The following PSTPIP2 variants were observed in gnomAD, a reference collection of about 807,000 sequenced individuals.
PSTPIP2 encodes proline-serine-threonine phosphatase interacting protein 2.
Under a neutral mutation model 63.3 loss-of-function variants are expected in PSTPIP2, and 33 were observed. That is an observed-to-expected ratio of 0.52 (90% CI 0.40 to 0.70). PSTPIP2 has a LOEUF of 0.70. Ranked by LOEUF, PSTPIP2 falls within the 30% of genes least tolerant of loss-of-function variation. PSTPIP2 has a pLI of 0.00. For synonymous variants in PSTPIP2, 125 were observed against 132.7 expected, an observed-to-expected ratio of 0.94 and a Z score of 0.40; for missense variants, 312 against 400.7, an observed-to-expected ratio of 0.78 and a Z score of 1.89.
chr18:46,041,097 C>T (rs752463236), intron 1 of PSTPIP2: 2 of 455,870 alleles, frequency 4.4e-6, no homozygotes, highest in Non-Finnish European at 8.8e-6. Flanking sequence ...AAGGGTATCT[C>T]TACAAAAGAC....
chr18:46,017,865 C>T (rs1222941200), intron 3 of PSTPIP2, among the ~76,000 whole-genome samples: 1 of 151,978 alleles, frequency 6.6e-6, no homozygotes, highest in African/African-American at 2.4e-5. Context: ...GAACTTATTC[C>T]TCCTAACCGA....
Position 46,050,725 on chromosome 18 carries a change from G to A in PSTPIP2, c.34-10678C>T, listed in dbSNP as rs139417594. 1.9e-3 allele frequency among the ~76,000 whole-genome samples: 293 copies of A among 152,124 alleles called. 2 individuals are homozygous for A. The highest frequency in any genetic ancestry group is 0.012 in the Admixed American group (182 of 15,278). On this transcript the variant is annotated intron_variant, in intron 1 of 14. Transcript: ENST00000409746. ...AACATAATGATACAATATATCAGGA[G>A]AAAAATGAAAGTTATATATATGAGC...
intron 13 of PSTPIP2, among the ~76,000 whole-genome samples, chr18:45,989,468 A>G (rs1319803431): frequency 6.6e-6 from 1 of 152,204 alleles, no homozygotes; most frequent in Non-Finnish European, 1.5e-5. Context: ...GCCATGTGGA[A>G]CTGTAAGTCC....
intron 1 of PSTPIP2, among the ~76,000 whole-genome samples, chr18:46,065,197 C>T (rs1228673061): frequency 6.8e-6 from 1 of 146,068 alleles, no homozygotes; most frequent in African/African-American, 2.5e-5. Context: ...CTAGAAATTA[C>T]ATAAATGCCA....
At chr18:45,985,926 G>A (rs2051462493) in intron 14 of PSTPIP2, among the ~76,000 whole-genome samples, 7 of 151,910 alleles carry the variant, frequency 4.6e-5, no homozygotes, top group Admixed American at 2.0e-4. Flanking sequence ...ACAGGCACCC[G>A]CCACTGTGCC....
intron 2 of PSTPIP2, chr18:46,028,419 G>A: frequency 1.9e-6 from 1 of 539,846 alleles, no homozygotes; most frequent in Non-Finnish European, 3.6e-6. Flanking sequence ...AGGAGAGACG[G>A]CTCCGGCAGC....
intron 3 of PSTPIP2, among the ~76,000 whole-genome samples, chr18:46,022,833 T>C (rs1907418207): frequency 6.6e-6 from 1 of 152,096 alleles, no homozygotes. Flanking sequence ...GTGACAATTA[T>C]GAAATGATGC....
intron 8 of PSTPIP2, 93 bp from the exon 9 acceptor site, chr18:45,997,921 T>A: frequency 9.3e-7 from 1 of 1,080,210 alleles, no homozygotes; most frequent in Non-Finnish European, 1.4e-6. Flanking sequence ...CAAAAGAAAC[T>A]CATCCGAGTT....
chr18:46,060,995 T>G (rs1245021794), intron 1 of PSTPIP2, among the ~76,000 whole-genome samples: 1 of 152,128 alleles, frequency 6.6e-6, no homozygotes, highest in Non-Finnish European at 1.5e-5. Flanking sequence ...CACCAATAGA[T>G]GCACATTAAT....
chr18:46,034,097 C>T (rs919265677), intron 2 of PSTPIP2, among the ~76,000 whole-genome samples: 14 of 152,106 alleles, frequency 9.2e-5, no homozygotes, highest in African/African-American at 1.7e-4. Flanking sequence ...GAGACATAGC[C>T]GACCACAGTG....
intron 2 of PSTPIP2, among the ~76,000 whole-genome samples, chr18:46,030,999 A>T (rs1907771532): frequency 6.6e-6 from 1 of 152,242 alleles, no homozygotes; most frequent in Non-Finnish European, 1.5e-5. Flanking sequence ...ATTGATCCTT[A>T]TGTAATCATA....
intron 9 of PSTPIP2, among the ~76,000 whole-genome samples, chr18:45,995,989 T>C (rs1395809826): frequency 6.6e-6 from 1 of 152,202 alleles, no homozygotes; most frequent in Non-Finnish European, 1.5e-5. Context: ...CTAATTTTTG[T>C]ATTTTTAGTA....
chr18:46,040,054 G>A lies in PSTPIP2; in HGVS notation c.34-7C>T. On this transcript the variant is annotated splice_polypyrimidine_tract_variant and splice_region_variant and intron_variant, in intron 1 of 14. Transcript: ENST00000409746. Reference sequence around the variant, plus strand: ...TGCTGAGGATGTCTGCACTCTGGGGGAAAGACAACATGGCATCAGACCAGG... The same window carrying A: ...TGCTGAGGATGTCTGCACTCTGGGGAAAAGACAACATGGCATCAGACCAGG... 1 of 1,587,848 alleles carries A rather than the reference G, an allele frequency of 6.3e-7. No homozygotes were observed. The highest frequency in any genetic ancestry group is 8.6e-7 in the Non-Finnish European group (1 of 1,164,000).
intron 5 of PSTPIP2, among the ~76,000 whole-genome samples, chr18:46,010,133 C>T (rs987126265): frequency 6.6e-6 from 1 of 152,188 alleles, no homozygotes; most frequent in African/African-American, 2.4e-5. Context: ...TGCTGCCCAC[C>T]ATAGAGGCCA....
intron 1 of PSTPIP2, among the ~76,000 whole-genome samples, chr18:46,065,760 C>T (rs1435112803): frequency 6.6e-6 from 1 of 152,098 alleles, no homozygotes; most frequent in Non-Finnish European, 1.5e-5. Flanking sequence ...CCACCGCGCC[C>T]GGCCAATTTT....
chr18:46,026,120 A>G (rs1907570350), intron 2 of PSTPIP2, among the ~76,000 whole-genome samples: 1 of 152,190 alleles, frequency 6.6e-6, no homozygotes, highest in African/African-American at 2.4e-5. Flanking sequence ...AATGCATTTT[A>G]AATTTTTGAA....
At chr18:46,011,056 G>A (rs553552191) in intron 5 of PSTPIP2, 125 bp downstream of exon 5, 1 of 786,058 alleles carries the variant, frequency 1.3e-6, no homozygotes, top group Middle Eastern at 2.4e-4. Context: ...GGGGACTCCA[G>A]TAAGTAATTT....
chr18:46,023,923 C>T (rs904469167), intron 3 of PSTPIP2, among the ~76,000 whole-genome samples: 1 of 151,590 alleles, frequency 6.6e-6, no homozygotes, highest in South Asian at 2.1e-4. Flanking sequence ...ATAATATAGC[C>T]CTACCTACGA....
chr18:46,065,859 C>T (rs1909172125), intron 1 of PSTPIP2, among the ~76,000 whole-genome samples: 1 of 151,906 alleles, frequency 6.6e-6, no homozygotes, highest in Non-Finnish European at 1.5e-5. Flanking sequence ...GCCTTGGCCT[C>T]CCAAAGTGCT....
Sources: allele counts gnomAD v4.1 joint callset (sites outside exome capture counted in the v4.1 genomes callset), GRCh38; gene constraint gnomAD v4.1.1; transcripts MANE v1.5; gene names NCBI Gene and HGNC (gene_info 2026-07-23, HGNC 2026-07-21).